The following ZNF584 variants were observed in gnomAD, a reference collection of about 807,000 sequenced individuals.
ZNF584 encodes the protein zinc finger protein 584.
ZNF584 carries 12 observed loss-of-function variants against 14.7 expected under a neutral mutation model. The observed-to-expected ratio is 0.82, with a 90% CI of 0.52 to 1.32. The LOEUF (loss-of-function observed/expected upper bound fraction) is 1.32, where lower values mean the gene tolerates loss of function less well. ZNF584 is among the 40% of genes most tolerant of loss of function. ZNF584 has a pLI of 0.00. For synonymous variants in ZNF584, 204 were observed against 190.9 expected (o/e 1.07, Z -0.57); for missense variants, 478 against 518.8 (o/e 0.92, Z 0.76).
At position 58,417,627 on chromosome 19, in the gene ZNF584, A is replaced by G. The variant is rs201892328; in HGVS notation, c.1109A>G (p.Asn370Ser). 4.2e-5 allele frequency: 67 copies of G among 1,614,006 alleles called. 2 individuals are homozygous for G. Among genetic ancestry groups the G allele is most frequent in the Admixed American group, 1.7e-5 (1 of 59,988 alleles). ...ACCTTCACTACCAGATCCTACCGCAATCGGCACCAGCAGTTCCACACTGAA... is the reference window on the plus strand; with the variant it reads ...ACCTTCACTACCAGATCCTACCGCAGTCGGCACCAGCAGTTCCACACTGAA... Reference protein sequence around the residue: ...GKTFTTRSYRNRHQQFHTEER... With the variant: ...GKTFTTRSYRSRHQQFHTEER... The change falls in exon 4 of 4, where the codon AAT (asparagine) becomes AGT (serine). Residue 370 changes from asparagine to serine, a missense_variant. Coordinates refer to ENST00000306910, the MANE Select transcript of ZNF584 (RefSeq NM_173548.3).
At chr19:58,406,477 G>C (rs1369377868), upstream of ZNF584, 1 of 152,506 alleles carries the variant, frequency 6.6e-6, no homozygotes, top group East Asian at 1.9e-4. Flanking sequence ...AGGGGACAGG[G>C]TACAGGAGTC....
upstream of ZNF584, chr19:58,406,342 A>AG (rs1201178942): frequency 6.1e-5 from 3 of 49,540 alleles, no homozygotes; most frequent in Non-Finnish European, 8.7e-5. Flanking sequence ...CCGTGGAAAG[A>AG]GCGGGGGGGG....
intron 3 of ZNF584, 195 bp downstream of exon 3, chr19:58,415,841 T>C: frequency 6.2e-7 from 1 of 1,601,170 alleles, no homozygotes; most frequent in South Asian, 1.1e-5. Flanking sequence ...CCTGCCTCTC[T>C]GGCCTGCGTC....
chr19:58,417,682 G>A lies in ZNF584; in HGVS notation c.1164G>A (p.Gly388=). ...EERSYECTEC[G]KAFKHSSTLL... ...GGTCTTATGAATGTACAGAGTGTGGGAAGGCCTTCAAACATAGTTCCACCC... is the reference window on the plus strand; with the variant it reads ...GGTCTTATGAATGTACAGAGTGTGGAAAGGCCTTCAAACATAGTTCCACCC... The change falls in exon 4 of 4, where the codon GGG becomes GGA. Residue 388 remains glycine (G), a synonymous_variant. Coordinates refer to ENST00000306910, the MANE Select transcript of ZNF584 (RefSeq NM_173548.3). 3 of 1,613,992 alleles carry A rather than the reference G, an allele frequency of 1.9e-6. No individual in the cohort carries two copies. The highest frequency in any genetic ancestry group is 1.1e-5 in the South Asian group (1 of 91,080).
intron 1 of ZNF584, 96 bp downstream of exon 1, chr19:58,409,261 T>C: frequency 7.7e-7 from 1 of 1,306,342 alleles, no homozygotes; most frequent in Non-Finnish European, 1.0e-6. Context: ...GATCTGCGTA[T>C]GATTCCAGGG....
intron 1 of ZNF584, 86 bp downstream of exon 1, chr19:58,409,251 GATCT>G (rs2052509993): frequency 7.5e-7 from 1 of 1,337,546 alleles, no homozygotes; most frequent in Non-Finnish European, 9.8e-7. Context: ...GAGGGCAGGA[GATCT>G]GCGTATGATT....
chr19:58,403,045 G>A (rs1234219062), intron 1 of ZNF584, among the ~76,000 whole-genome samples: 1 of 152,170 alleles, frequency 6.6e-6, no homozygotes, highest in South Asian at 2.1e-4. Context: ...AGGTTGTGAG[G>A]CAATGGGAAC....
chr19:58,416,819 T>C lies in ZNF584; in HGVS notation c.301T>C (p.Cys101Arg), dbSNP rs146207391. The change falls in exon 4 of 4, where the codon TGT (cysteine) becomes CGT (arginine). Residue 101 changes from cysteine (C) to arginine (R), a missense_variant. Cys to Arg is a radical substitution (Grantham distance 180). Coordinates refer to ENST00000306910, the MANE Select transcript of ZNF584 (RefSeq NM_173548.3). ...TTCATCTCTGCTTTCAGATGGTTTG[T>C]GTAGAGTGGAGGATGAGAGAGCCCA... is the stretch of plus-strand genomic sequence containing the variant. ...ARRGFGLDGL[C>R]RVEDERAHPE... The C allele has an allele frequency of 1.3e-6, 2 of 1,547,364 alleles. No homozygotes were observed. Among genetic ancestry groups the C allele is most frequent in the Non-Finnish European group, 1.7e-6 (2 of 1,149,442 alleles).
chr19:58,403,244 C>G (rs1402391676), intron 1 of ZNF584, among the ~76,000 whole-genome samples: 4 of 152,188 alleles, frequency 2.6e-5, no homozygotes, highest in Non-Finnish European at 5.9e-5. Context: ...CAGCTTTATT[C>G]ATAATTGCTC....
At chr19:58,401,594 A>AAAGGCTGCGGCGCGCAGAGC (rs1451741090) in exon 1 of ZNF584, 1 of 152,144 alleles carries the variant, frequency 6.6e-6, no homozygotes, top group Non-Finnish European at 1.5e-5. Context: ...TGGCGAGAGG[A>AAAGGCTGCGGCGCGCAGAGC]AAGGCTGCGG....
At chr19:58,416,113 C>T (rs555823006) in intron 3 of ZNF584, 113 of 666,316 alleles carry the variant, frequency 1.7e-4, no homozygotes, top group Non-Finnish European at 2.6e-4. Context: ...CACCTCTCTT[C>T]CCTGCACCAT....
intron 1 of ZNF584, among the ~76,000 whole-genome samples, chr19:58,409,367 T>A (rs2052511955): frequency 6.6e-6 from 1 of 152,312 alleles, no homozygotes; most frequent in African/African-American, 2.4e-5. Context: ...GTAGTTGCTG[T>A]GCCAGGCCCT....
Position 58,409,840 on chromosome 19 carries a change from A to G in ZNF584, c.19-101A>G. ...AGAGCTCATAGGGAAAGATAATGTC[A>G]GGGGGAGATGTGATAGGACCCTGAG... On this transcript the variant is annotated intron_variant, in intron 1 of 3. Transcript: ENST00000306910. 5 of 1,396,720 alleles carry G rather than the reference A, an allele frequency of 3.6e-6. No individual in the cohort carries two copies. The South Asian group carries it at 4.7e-5, about 13-fold the overall frequency. 86.5% of individuals were successfully genotyped at this position (1,396,720 alleles called of 1,614,324 possible).
chr19:58,408,533 G>A (rs1357777120), upstream of ZNF584: 1 of 152,428 alleles, frequency 6.6e-6, no homozygotes, highest in East Asian at 1.9e-4. Flanking sequence ...GGGCCCGCCC[G>A]AACGTTCCCG....
rs986059558 is a variant in ZNF584 at position 58,408,754 on chromosome 19, TCCGGCGTTGC to T, written c.-388_-379del. On this transcript the variant is annotated 5_prime_UTR_variant, in exon 1 of 4. Coordinates refer to ENST00000306910, the MANE Select transcript of ZNF584 (RefSeq NM_173548.3). ...CGCGGGCCACGGGAGTTCCGGGAGTTCCGGCGTTGCCCGGCAGTCCGCAGTCCTCGGCGGG... is the reference window on the plus strand; with the variant it reads ...CGCGGGCCACGGGAGTTCCGGGAGTTCCGGCAGTCCGCAGTCCTCGGCGGG... The T allele has an allele frequency of 1.1e-5, 2 of 181,096 alleles. No homozygotes were observed. Among genetic ancestry groups the T allele is most frequent in the African/African-American group, 4.9e-5 (2 of 41,222 alleles). The allele number at this position is 181,096 out of a possible 1,614,324, so 11.2% of individuals were successfully genotyped here.
Position 58,415,564 on chromosome 19 carries a change from G to A in ZNF584, c.210G>A (p.Glu70=), listed in dbSNP as rs771569017. The change falls in exon 3 of 4, where the codon GAG becomes GAA. Residue 70 remains glutamate, a synonymous_variant. Coordinates refer to ENST00000306910, the MANE Select transcript of ZNF584 (RefSeq NM_173548.3). The part of the protein sequence containing the change: ...PSRSPVFTQL[E]DDEQSWVPSW... ...GATCCCCTGTGTTTACCCAGCTGGA[G>A]GATGATGAACAGTCGTGGGTGCCCA... 6.2e-7 allele frequency: 1 copy of A among 1,613,990 alleles called. No individual in the cohort carries two copies. Among genetic ancestry groups the A allele is most frequent in the Non-Finnish European group, 8.5e-7 (1 of 1,179,890 alleles).
Position 58,413,668 on chromosome 19 carries a change from A to AT in ZNF584, c.170-1844dup, listed in dbSNP as rs67455131. 3.4e-3 allele frequency among the ~76,000 whole-genome samples: 458 copies of AT among 134,132 alleles called. 1 individual carries two copies. Among genetic ancestry groups the AT allele is most frequent in the African/African-American group, 8.4e-3 (299 of 35,388 alleles). 88.0% of individuals were successfully genotyped at this position (134,132 alleles called of 152,430 possible). Reference sequence around the variant, plus strand: ...TCCACCACACCTGGCTAATTTTTGTATTTTTTTTTTTTGGTAGAGACAGGG... The same window carrying AT: ...TCCACCACACCTGGCTAATTTTTGTATTTTTTTTTTTTTGGTAGAGACAGGG... On this transcript the variant is annotated intron_variant, in intron 2 of 3. Transcript: ENST00000306910.
rs1340373210 is a variant in ZNF584 at position 58,410,557 on chromosome 19, A to ATATATATG, written c.169+467_169+468insATATATGT. Among the ~76,000 whole-genome samples, 39 of 25,998 alleles carry ATATATATG rather than the reference A, an allele frequency of 1.5e-3. 4 individuals carry two copies. In the East Asian group the frequency reaches 0.017, roughly 12 times the overall value. 17.1% of individuals were successfully genotyped at this position (25,998 alleles called of 152,430 possible). A position where few individuals can be genotyped will look rare whatever the true frequency, so the allele number is the denominator to read the frequency against. ...TATATATATATATATATATATATATATGTGTATATATATATGTATATATAT... is the reference window on the plus strand; with the variant it reads ...TATATATATATATATATATATATATATATATATGTGTGTATATATATATGTATATATAT... On this transcript the variant is annotated intron_variant, in intron 2 of 3. Transcript: ENST00000306910.
chr19:58,401,905 G>GA (rs1568578309), intron 1 of ZNF584, among the ~76,000 whole-genome samples: 2 of 98,388 alleles, frequency 2.0e-5, no homozygotes, highest in African/African-American at 6.1e-5. Context: ...AAAAAAAAAA[G>GA]ATTTTTTTTT....
Sources: gnomAD v4.1 joint callset for allele counts (sites outside exome capture counted in the v4.1 genomes callset) on GRCh38, gnomAD v4.1.1 for gene constraint, MANE v1.5 for transcripts, NCBI Gene and HGNC (gene_info 2026-07-23, HGNC 2026-07-21) for gene names.